LNX1: variants seen among roughly 807,000 people sequenced by gnomAD.
LNX1 encodes ligand of numb-protein X 1, also known as E3 ubiquitin-protein ligase LNX.
In LNX1, 54 loss-of-function variants were observed where a neutral mutation model predicts 68.4. The ratio of observed to expected loss-of-function variants is 0.79; its 90% CI spans 0.63 to 0.99. The LOEUF is 0.99. LNX1 is among the 50% of genes least tolerant of loss of function. LNX1 has a pLI of 0.00. For synonymous variants in LNX1, 336 were observed against 350.0 expected (o/e 0.96, Z 0.45); for missense variants, 906 against 926.4 (o/e 0.98, Z 0.29).
intron 2 of LNX1, among the ~76,000 whole-genome samples, chr4:53,604,716 CTAATT>C (rs1316949023): frequency 6.6e-6 from 1 of 152,180 alleles, no homozygotes; most frequent in Non-Finnish European, 1.5e-5. Context: ...CAGAGACAGA[CTAATT>C]TGTTTCTCAT....
rs374629146 is a variant in LNX1, at chr4:53,491,156, T to C, written c.1350+4867A>G. On this transcript the variant is annotated intron_variant, in intron 6 of 10. Coordinates refer to ENST00000263925, the MANE Select transcript of LNX1 (RefSeq NM_001126328.3). Reference sequence around the variant, plus strand: ...TTTTTCTTTTGCTTATTGCGAAGTATAGTTGGCAAACATTATCTCCAGGAT... The same window carrying C: ...TTTTTCTTTTGCTTATTGCGAAGTACAGTTGGCAAACATTATCTCCAGGAT... Among the ~76,000 whole-genome samples the C allele has an allele frequency of 3.3e-5, 5 of 152,276 alleles. No homozygotes were observed. The East Asian group carries it at 7.7e-4, about 23-fold the overall frequency.
intron 6 of LNX1, among the ~76,000 whole-genome samples, chr4:53,486,282 A>G (rs1237156092): frequency 7.0e-6 from 1 of 141,980 alleles, no homozygotes; most frequent in East Asian, 2.2e-4. Flanking sequence ...AAGCCACCCA[A>G]TCGGCAGAGC....
At chr4:53,589,169 C>T (rs191343032) in intron 1 of LNX1, among the ~76,000 whole-genome samples, 45 of 152,270 alleles carry the variant, frequency 3.0e-4, no homozygotes, top group East Asian at 2.5e-3. Context: ...ACATTTCCCC[C>T]GAAAGGCCCA....
chr4:53,530,040 A>G (rs1355022066), intron 2 of LNX1, among the ~76,000 whole-genome samples: 1 of 152,234 alleles, frequency 6.6e-6, no homozygotes, highest in Non-Finnish European at 1.5e-5. Context: ...GAAGTTTGAT[A>G]TGTTTTATCA....
At chr4:53,559,182 C>T (rs1175450387) in intron 2 of LNX1, among the ~76,000 whole-genome samples, 5 of 152,134 alleles carry the variant, frequency 3.3e-5, no homozygotes, top group South Asian at 4.1e-4. Context: ...CAATGAACTG[C>T]GTAGTCATTA....
chr4:53,543,398 A>G (rs1728889038), intron 2 of LNX1, among the ~76,000 whole-genome samples: 1 of 152,220 alleles, frequency 6.6e-6, no homozygotes, highest in Non-Finnish European at 1.5e-5. Context: ...AACATGCCTG[A>G]TATGTCATAC....
chr4:53,604,611 G>C (rs1217157226), intron 2 of LNX1, among the ~76,000 whole-genome samples: 1 of 152,176 alleles, frequency 6.6e-6, no homozygotes, highest in East Asian at 1.9e-4. Context: ...TGTGCAGGGG[G>C]ATATCTGATA....
At chr4:53,603,838 C>G (rs553555259) in intron 2 of LNX1, 1 of 152,328 alleles carries the variant, frequency 6.6e-6, no homozygotes, top group East Asian at 1.9e-4. Flanking sequence ...GGACAAATAT[C>G]CAGACTATAT....
chr4:53,638,290 T>G (rs1329551338), intron 1 of LNX1, among the ~76,000 whole-genome samples: 2 of 152,240 alleles, frequency 1.3e-5, no homozygotes, highest in Non-Finnish European at 2.9e-5. Flanking sequence ...ACTTTAATAA[T>G]GCAGAACAGT....
At chr4:53,506,025 G>A (rs758634548) in intron 4 of LNX1, among the ~76,000 whole-genome samples, 1 of 152,182 alleles carries the variant, frequency 6.6e-6, no homozygotes, top group Non-Finnish European at 1.5e-5. Context: ...TACAAGAAAA[G>A]GTCTGATAAG....
chr4:53,537,233 A>T (rs1728437968), intron 2 of LNX1, among the ~76,000 whole-genome samples: 1 of 152,270 alleles, frequency 6.6e-6, no homozygotes, highest in East Asian at 1.9e-4. Flanking sequence ...TCATGGAGTC[A>T]AACACCAAAC....
At chr4:53,610,601 G>T (rs1352654131) in intron 2 of LNX1, among the ~76,000 whole-genome samples, 1 of 151,512 alleles carries the variant, frequency 6.6e-6, no homozygotes, top group Non-Finnish European at 1.5e-5. Flanking sequence ...CCAGCTGCTC[G>T]CGAGGCTGAG....
intron 2 of LNX1, among the ~76,000 whole-genome samples, chr4:53,557,332 A>G (rs1729981660): frequency 6.6e-6 from 1 of 152,230 alleles, no homozygotes; most frequent in South Asian, 2.1e-4. Flanking sequence ...CAATGGAAAT[A>G]TGGGTGCTCA....
At chr4:53,618,550 C>CAGAG (rs1291814495), upstream of LNX1, among the ~76,000 whole-genome samples, 1 of 152,144 alleles carries the variant, frequency 6.6e-6, no homozygotes, top group Admixed American at 6.6e-5. Flanking sequence ...GCCCTGGGTA[C>CAGAG]AGAGCCCTGT....
chr4:53,529,050 A>G (rs1727832515), intron 2 of LNX1, among the ~76,000 whole-genome samples: 2 of 148,898 alleles, frequency 1.3e-5, no homozygotes, highest in South Asian at 4.3e-4. Context: ...CAGTTCATGA[A>G]CCATTCTGGT....
upstream of LNX1, among the ~76,000 whole-genome samples, chr4:53,621,145 T>G (rs1489063264): frequency 6.6e-6 from 1 of 152,204 alleles, no homozygotes; most frequent in Admixed American, 6.5e-5. Flanking sequence ...CAGAGGTCAC[T>G]CCTGACCTAT....
At chr4:53,507,222 T>A in intron 4 of LNX1, 95 bp downstream of exon 4, 1 of 1,322,328 alleles carries the variant, frequency 7.6e-7, no homozygotes, top group Non-Finnish European at 1.0e-6. Context: ...AAGAGAGGGG[T>A]CACAGAAGGT....
chr4:53,601,403 C>T (rs1733008817), intron 2 of LNX1, among the ~76,000 whole-genome samples: 1 of 152,154 alleles, frequency 6.6e-6, no homozygotes, highest in African/African-American at 2.4e-5. Context: ...GGAAATGCAG[C>T]TTTGACAAGT....
In LNX1 at chr4:53,498,838, G is replaced by T; in HGVS notation, c.781C>A (p.Pro261Thr). The change falls in exon 5 of 11, where the codon CCA becomes ACA. Residue 261 changes from proline to threonine, a missense_variant. Transcript: ENST00000263925. ...TCTGGAATCAGGTGGTACAACCTTGGAAAGACTGAAATGGACAAAGAGTGT... is the reference window on the plus strand; with the variant it reads ...TCTGGAATCAGGTGGTACAACCTTGTAAAGACTGAAATGGACAAAGAGTGT... ...SENTTAPEVF[P>T]RLYHLIPDGE... is the part of the protein sequence containing the mutation. 6.2e-7 allele frequency: 1 copy of T among 1,612,412 alleles called. No individual in the cohort carries two copies.
Sources: gnomAD v4.1 joint callset for allele counts (sites outside exome capture counted in the v4.1 genomes callset) on GRCh38, gnomAD v4.1.1 for gene constraint, MANE v1.5 for transcripts, NCBI Gene and HGNC (gene_info 2026-07-23, HGNC 2026-07-21) for gene names.